Variants in POLE observed in about 807,000 individuals in gnomAD.
POLE encodes DNA polymerase epsilon, catalytic subunit.
In POLE, 188 loss-of-function variants were observed where a neutral mutation model predicts 279.2. The ratio of observed to expected loss-of-function variants is 0.67; its 90% CI spans 0.60 to 0.76. POLE has a LOEUF of 0.76. POLE is among the 30% of genes least tolerant of loss of function. The pLI, the probability that POLE is intolerant of heterozygous loss-of-function variation, is 0.00. For synonymous variants in POLE, 1,214 were observed against 1,172.5 expected (o/e 1.04, Z -0.72); for missense variants, 2,703 against 3,016.7 (o/e 0.90, Z 2.44).
chr12:132,640,670 T>C (rs2042123128), intron 39 of POLE, among the ~76,000 whole-genome samples: 2 of 152,254 alleles, frequency 1.3e-5, no homozygotes, highest in South Asian at 2.1e-4. Flanking sequence ...GGAACTTCAA[T>C]GGGGTCAAGA....
chr12:132,677,470 G>C (rs752536743), intron 7 of POLE, 27 bp from the exon 8 acceptor site: 2 of 1,609,466 alleles, frequency 1.2e-6, no homozygotes, highest in Middle Eastern at 1.6e-4. Context: ...GTGCTAACTA[G>C]AGTTCTACAT....
In POLE at chr12:132,660,781, T is replaced by A. The variant is rs5744847; in HGVS notation, c.3060+188A>T. On this transcript the variant is annotated intron_variant, in intron 25 of 48. Coordinates refer to ENST00000320574, the MANE Select transcript of POLE (RefSeq NM_006231.4). The stretch of plus-strand genomic sequence containing the variant: ...GAAAAACGTTTCCCTCAGAGTTGTG[T>A]CCCTGGATGCAGAAGTTGAGGGGAA... 515 of 445,224 alleles carry A rather than the reference T, an allele frequency of 1.2e-3. 4 individuals carry two copies. The highest frequency in any genetic ancestry group is 9.6e-3 in the African/African-American group (483 of 50,462). The allele number at this position is 445,224 out of a possible 1,614,324, so 27.6% of individuals were successfully genotyped here. A position where few individuals can be genotyped will look rare whatever the true frequency, so the allele number is the denominator to read the frequency against.
intron 1 of POLE, among the ~76,000 whole-genome samples, chr12:132,681,921 A>C (rs1593089602): frequency 1.3e-5 from 2 of 152,228 alleles, no homozygotes; most frequent in African/African-American, 4.8e-5. Context: ...ACAGTGGCTC[A>C]CGCCTGTAAT....
chr12:132,678,857 A>G (rs887528993), intron 6 of POLE, among the ~76,000 whole-genome samples: 3 of 152,230 alleles, frequency 2.0e-5, no homozygotes, highest in Non-Finnish European at 4.4e-5. Context: ...CAAGTCTCTG[A>G]GGACTCAGTC....
chr12:132,638,972 T>C, intron 40 of POLE, 153 bp downstream of exon 40: 1 of 683,192 alleles, frequency 1.5e-6, no homozygotes, highest in South Asian at 1.9e-5. Flanking sequence ...AGCTGCGTGT[T>C]TCTCTGGGAT....
At chr12:132,626,505 T>C (rs1593698323) in intron 45 of POLE, among the ~76,000 whole-genome samples, 188 bp from the exon 46 acceptor site, 1 of 152,216 alleles carries the variant, frequency 6.6e-6, no homozygotes, top group African/African-American at 2.4e-5. Flanking sequence ...CAGGCTTCCC[T>C]GGGGAATTTA....
At chr12:132,646,868 A>T (rs959021010) in intron 32 of POLE, among the ~76,000 whole-genome samples, 2 of 152,012 alleles carry the variant, frequency 1.3e-5, no homozygotes, top group Admixed American at 6.6e-5. Flanking sequence ...AAATAAATTT[A>T]AAAAATACTC....
chr12:132,667,885 C>A (rs1463621465), intron 19 of POLE, among the ~76,000 whole-genome samples: 1 of 152,056 alleles, frequency 6.6e-6, no homozygotes, highest in Non-Finnish European at 1.5e-5. Flanking sequence ...AGTTTGAGAC[C>A]AGCCTAGGCA....
Position 132,686,085 on chromosome 12 carries a change from C to T in POLE, c.62+1169G>A, listed in dbSNP as rs2043256336. Among the ~76,000 whole-genome samples the T allele has an allele frequency of 2.0e-5, 3 of 152,090 alleles. No individual in the cohort carries two copies. The South Asian group carries it at 6.2e-4, about 32-fold the overall frequency. The stretch of plus-strand genomic sequence containing the variant: ...GGAGACGGGATTTCTCCATGTTGGT[C>T]AGGCTGGTCTCGAACTCCTGACCTC... On this transcript the variant is annotated intron_variant, in intron 1 of 48. Transcript: ENST00000320574.
chr12:132,666,576 C>T (rs776300255), intron 20 of POLE, among the ~76,000 whole-genome samples: 37 of 152,164 alleles, frequency 2.4e-4, no homozygotes, highest in Non-Finnish European at 4.4e-4. Context: ...AGTGAGACCC[C>T]GTCTCCAAAA....
At position 132,658,151 on chromosome 12, in the gene POLE, C is replaced by T. The variant is rs569502842; in HGVS notation, c.3276-181G>A. The T allele has an allele frequency of 7.7e-6, 4 of 519,520 alleles. No homozygotes were observed. In the East Asian group the frequency reaches 1.3e-4, roughly 17 times the overall value. 32.2% of individuals were successfully genotyped at this position (519,520 alleles called of 1,614,324 possible). On this transcript the variant is annotated intron_variant, in intron 26 of 48. Coordinates refer to ENST00000320574, the MANE Select transcript of POLE (RefSeq NM_006231.4). ...CCTACAGGTTCCTCGGGGAGTAACA[C>T]GTGCGTATGTGTAAACACGTGCGTG...
chr12:132,632,599 T>C (rs2041956234), intron 44 of POLE, 65 bp downstream of exon 44: 2 of 1,611,010 alleles, frequency 1.2e-6, no homozygotes, highest in African/African-American at 1.3e-5. Flanking sequence ...GGACCACCCA[T>C]GGCACACAGA....
intron 1 of POLE, 109 bp downstream of exon 1, chr12:132,687,145 G>C: frequency 1.7e-6 from 1 of 599,072 alleles, no homozygotes; most frequent in Non-Finnish European, 2.4e-6. Flanking sequence ...GCGAGTGCGG[G>C]CGGCTGCGGG....
chr12:132,649,015 A>C lies in POLE; in HGVS notation c.4063T>G (p.Leu1355Val). Residue 1355 changes from leucine to valine, a missense_variant, in exon 32 of 49, where the codon TTG (leucine) becomes GTG (valine). Physicochemically the swap from Leu to Val is conservative, Grantham distance 32. This residue lies in a region of POLE where 1,551 missense variants were observed against 1,686.1 expected (regional missense o/e 0.92). Transcript: ENST00000320574. ...GGGATGCTCAGCCTGATGCAGTGCAAGTCACTGCCAACGAGCGCCCACAGC... is the reference window on the plus strand; with the variant it reads ...GGGATGCTCAGCCTGATGCAGTGCACGTCACTGCCAACGAGCGCCCACAGC... Reference protein sequence around the residue: ...FRLWALVGSDLHCIRLSIPRV... With the variant: ...FRLWALVGSDVHCIRLSIPRV... 1 of 1,613,876 alleles carries C rather than the reference A, an allele frequency of 6.2e-7. No homozygotes were observed. The highest frequency in any genetic ancestry group is 1.1e-5 in the South Asian group (1 of 91,078).
At position 132,642,965 on chromosome 12, in the gene POLE, G is replaced by GCGC. The variant is rs2138542709; in HGVS notation, c.4580_4582dup (p.Gly1527dup). 5.0e-6 allele frequency: 8 copies of GCGC among 1,597,520 alleles called. No individual in the cohort carries two copies. Among genetic ancestry groups the GCGC allele is most frequent in the Non-Finnish European group, 6.0e-6 (7 of 1,175,058 alleles). ...GAGGCCGTGCTCTGCTGAGTACAGG[G>GCGC]CGCCAAGGCTGGGCATCTGGTTGCT... On this transcript the variant is annotated inframe_insertion, in exon 36 of 49. Transcript: ENST00000320574.
In POLE at chr12:132,636,110, C is replaced by G. The variant is rs1356592311; in HGVS notation, c.5679-86G>C. ...TTATTTCCCCTTGTATCTATCTGTA[C>G]CCTCCACTTACTTAACACTGAATTT... On this transcript the variant is annotated intron_variant, in intron 41 of 48. Transcript: ENST00000320574. 4.5e-6 allele frequency: 6 copies of G among 1,328,762 alleles called. No homozygotes were observed. In the Admixed American group the frequency reaches 1.1e-4, roughly 24 times the overall value. The allele number at this position is 1,328,762 out of a possible 1,614,324, so 82.3% of individuals were successfully genotyped here. A position where few individuals can be genotyped will look rare whatever the true frequency, so the allele number is the denominator to read the frequency against.
intron 29 of POLE, among the ~76,000 whole-genome samples, chr12:132,652,597 T>G (rs995606583): frequency 2.6e-5 from 4 of 152,170 alleles, no homozygotes; most frequent in African/African-American, 9.7e-5. Context: ...GCACTGCAAT[T>G]ACAGGCATGA....
intron 41 of POLE, among the ~76,000 whole-genome samples, chr12:132,637,675 C>G (rs1355168377): frequency 1.3e-5 from 2 of 152,246 alleles, no homozygotes; most frequent in African/African-American, 4.8e-5. Flanking sequence ...AACGTCAACA[C>G]TTACGGGGTG....
intron 43 of POLE, 97 bp from the exon 44 acceptor site, chr12:132,632,892 T>G: frequency 1.5e-6 from 2 of 1,341,466 alleles, no homozygotes; most frequent in Non-Finnish European, 2.0e-6. Context: ...GCCTCACAGA[T>G]GAGGCTAAAA....
Sources: gnomAD v4.1 joint callset for allele counts (sites outside exome capture counted in the v4.1 genomes callset) on GRCh38, gnomAD v4.1.1 for gene constraint, gnomAD v4.1.1 regional missense constraint, MANE v1.5 for transcripts, NCBI Gene and HGNC (gene_info 2026-07-23, HGNC 2026-07-21) for gene names.